Variants in COL16A1 observed in about 807,000 individuals in gnomAD.
COL16A1 encodes collagen type XVI alpha 1 chain, also known as collagen alpha-1(XVI) chain.
A neutral mutation model predicts 266.3 loss-of-function variants in COL16A1; 189 were observed. The observed-to-expected ratio is 0.71, with a 90% CI of 0.63 to 0.80. COL16A1 has a LOEUF of 0.80. Among genes scored for constraint, COL16A1 ranks in the 30% least tolerant of loss-of-function variants. The pLI is 0.00. For missense variants in COL16A1, 1,928 were observed against 2,122.4 expected (o/e 0.91, Z 1.80); for synonymous variants, 740 against 782.3 (o/e 0.95, Z 0.90).
At chr1:31,671,484 T>C in intron 48 of COL16A1, 131 bp downstream of exon 48, 2 of 1,105,146 alleles carry the variant, frequency 1.8e-6, no homozygotes, top group South Asian at 1.4e-5. Flanking sequence ...TGCGGAGGGA[T>C]GGGGAGGGCA....
chr1:31,688,951 G>T lies in COL16A1; in HGVS notation c.1677C>A (p.Cys559Ter). ...KGEKGEPCLS[C>*]SSVVGAQHLV... ...GATGCTGGGCCCCTACAACCGAGCT[G>T]CAGGACAAGCAGGGCTCCCCCTGGG... is the stretch of plus-strand genomic sequence containing the variant. Residue 559 changes from cysteine to a stop codon, truncating the protein, a stop_gained, in exon 25 of 71, where the codon TGC (cysteine) becomes TGA (stop). Transcript: ENST00000373672. LOFTEE classifies it high-confidence loss of function. The surrounding 1 kb of genome is among the most constrained non-coding windows in gnomAD (Gnocchi z 4.9). The T allele has an allele frequency of 1.9e-6, 3 of 1,614,186 alleles. No homozygotes were observed. The highest frequency in any genetic ancestry group is 2.2e-5 in the East Asian group (1 of 44,874).
Position 31,693,355 on chromosome 1 carries a change from C to T in COL16A1, c.1009-201G>A, listed in dbSNP as rs572805850. ...ATTCCACACCTGTTCATCCACATGC[C>T]CTCCCACCCCAAGATGCTATATTTG... On this transcript the variant is annotated intron_variant, in intron 12 of 70. Coordinates refer to ENST00000373672, the MANE Select transcript of COL16A1 (RefSeq NM_001856.4). 1.7e-4 allele frequency: 99 copies of T among 595,716 alleles called. 2 individuals are homozygous for T. The South Asian group carries it at 1.8e-3, about 11-fold the overall frequency. The allele number at this position is 595,716 out of a possible 1,614,324, so 36.9% of individuals were successfully genotyped here. A position where few individuals can be genotyped will look rare whatever the true frequency, so the allele number is the denominator to read the frequency against.
chr1:31,662,138 T>G (rs530389517), intron 58 of COL16A1, among the ~76,000 whole-genome samples, 196 bp downstream of exon 58: 3 of 152,248 alleles, frequency 2.0e-5, no homozygotes, highest in Admixed American at 6.5e-5. Flanking sequence ...TTAAGGCCAC[T>G]AGGAGAACTG....
At chr1:31,683,861 C>T (rs1643829799) in intron 33 of COL16A1, 89 bp downstream of exon 33, 1 of 1,605,634 alleles carries the variant, frequency 6.2e-7, no homozygotes, top group Admixed American at 1.7e-5. Context: ...CCTCCATTTC[C>T]CACTCCAGGC....
chr1:31,676,660 A>T (rs930980822), intron 42 of COL16A1, among the ~76,000 whole-genome samples: 1 of 152,240 alleles, frequency 6.6e-6, no homozygotes, highest in African/African-American at 2.4e-5. Flanking sequence ...AATGGCTGCA[A>T]CGATGTTTAC....
intron 42 of COL16A1, among the ~76,000 whole-genome samples, chr1:31,676,170 TAA>T (rs1643165503): frequency 6.6e-6 from 1 of 151,908 alleles, no homozygotes; most frequent in Non-Finnish European, 1.5e-5. Context: ...TCTAAAAATA[TAA>T]AAGTTAGCAG....
At position 31,675,007 on chromosome 1, in the gene COL16A1, C is replaced by T. The variant is rs533017394; in HGVS notation, c.2859G>A (p.Lys953=). Residue 953 remains lysine, a splice_region_variant and synonymous_variant, in exon 44 of 71, where the codon AAG becomes AAA. Transcript: ENST00000373672. ...ACTTCCCTCCTGGGTACCCTCTTAC[C>T]TTAAGGAGGTGCTGTTCAATTGGTA... ...GSLPIEQHLL[K]SICGDCVQGQ... 5.6e-6 allele frequency: 9 copies of T among 1,612,390 alleles called. No homozygotes were observed. The highest frequency in any genetic ancestry group is 7.6e-6 in the Non-Finnish European group (9 of 1,179,220).
rs943817266 is a variant in COL16A1 at position 31,661,806 on chromosome 1, A to C, written c.3682-102T>G. On this transcript the variant is annotated intron_variant, in intron 58 of 70. Transcript: ENST00000373672. ...CTCTCCAGCCCTCCCCAGCTATCCT[A>C]AGATGGAGGGAAGAATCCAAGCCTG... is the stretch of plus-strand genomic sequence containing the variant. The C allele has an allele frequency of 1.5e-5, 19 of 1,270,896 alleles. 1 individual carries two copies. Among genetic ancestry groups the C allele is most frequent in the Non-Finnish European group, 2.1e-5 (19 of 921,910 alleles). 78.7% of individuals were successfully genotyped at this position (1,270,896 alleles called of 1,614,324 possible).
intron 9 of COL16A1, 103 bp from the exon 10 acceptor site, chr1:31,695,890 A>G (rs1644476718): frequency 1.7e-6 from 2 of 1,143,350 alleles, no homozygotes; most frequent in South Asian, 2.7e-5. Flanking sequence ...GGCACTCTAG[A>G]GAGTGCCAGG....
intron 31 of COL16A1, 25 bp downstream of exon 31, chr1:31,684,498 A>G: frequency 1.3e-6 from 2 of 1,599,470 alleles, no homozygotes; most frequent in Non-Finnish European, 1.7e-6. Context: ...AAACTCCCCG[A>G]CCCCAACCAC....
In COL16A1 at chr1:31,652,750, T is replaced by C; in HGVS notation, c.4716A>G (p.Pro1572=). 2 of 1,604,376 alleles carry C rather than the reference T, an allele frequency of 1.2e-6. No homozygotes were observed. The highest frequency in any genetic ancestry group is 8.5e-7 in the Non-Finnish European group (1 of 1,177,272). ...AGGGATTACAGTGGCCAGCCTTGCCTGGCTGGCCCATGGGACCCGGGGGCC... is the reference window on the plus strand; with the variant it reads ...AGGGATTACAGTGGCCAGCCTTGCCCGGCTGGCCCATGGGACCCGGGGGCC... ...IPGPPGPMGQ[P]GKAGHCNPSD... Residue 1572 remains proline (P), a synonymous_variant, in exon 71 of 71, where the codon CCA becomes CCG. Transcript: ENST00000373672. This position sits in a 1 kb window ranked among gnomAD's most constrained non-coding sequence, Gnocchi z 4.8.
Position 31,672,726 on chromosome 1 carries a change from G to C in COL16A1, c.2974C>G (p.Gln992Glu), listed in dbSNP as rs776570094. The change falls in exon 45 of 71, where the codon CAG becomes GAG. Residue 992 changes from glutamine to glutamate, a missense_variant and splice_region_variant. Coordinates refer to ENST00000373672, the MANE Select transcript of COL16A1 (RefSeq NM_001856.4). ...PGVPGLDNCA[Q>E]CFLSLERPRA... ...CAGCCCCAAGCCCAGTCCCTTACCTGGGCGCAGTTGTCGAGGCCTGGCACA... is the reference window on the plus strand; with the variant it reads ...CAGCCCCAAGCCCAGTCCCTTACCTCGGCGCAGTTGTCGAGGCCTGGCACA... The C allele has an allele frequency of 6.2e-7, 1 of 1,613,806 alleles. No individual in the cohort carries two copies. Among genetic ancestry groups the C allele is most frequent in the East Asian group, 2.2e-5 (1 of 44,886 alleles).
At chr1:31,690,650 GC>G (rs1644222502) in intron 20 of COL16A1, 77 bp from the exon 21 acceptor site, 3 of 1,563,776 alleles carry the variant, frequency 1.9e-6, no homozygotes, top group Non-Finnish European at 8.6e-7. Context: ...CCCCACCCGT[GC>G]CCCTCTGTGA....
intron 2 of COL16A1, 146 bp from the exon 3 acceptor site, chr1:31,700,261 G>T: frequency 1.3e-6 from 1 of 752,378 alleles, no homozygotes; most frequent in Non-Finnish European, 2.2e-6. Context: ...CCTGCCTTCT[G>T]ACCCTGGCTC....
chr1:31,683,569 G>C, intron 34 of COL16A1, 138 bp downstream of exon 34: 1 of 1,575,016 alleles, frequency 6.3e-7, no homozygotes, highest in Non-Finnish European at 8.7e-7. Context: ...CCAGGGCTGC[G>C]GCCTGATCCC....
chr1:31,692,806 G>C lies in COL16A1; in HGVS notation c.1074C>G (p.Gly358=), dbSNP rs749778467. ...CCGGGGAGATTCGAACACAGTCATTGCCCTGGGAGTAGGGAACAAGGGATC... is the reference window on the plus strand; with the variant it reads ...CCGGGGAGATTCGAACACAGTCATTCCCCTGGGAGTAGGGAACAAGGGATC... ...PGSKGEKGAR[G]NDCVRISPDA... is the part of the protein sequence containing the mutation. Residue 358 remains glycine (G), a splice_region_variant and synonymous_variant, in exon 14 of 71, where the codon GGC becomes GGG. Transcript: ENST00000373672. The C allele has an allele frequency of 6.2e-7, 1 of 1,613,592 alleles. No homozygotes were observed. The highest frequency in any genetic ancestry group is 1.3e-5 in the African/African-American group (1 of 74,918).
chr1:31,696,818 G>C, intron 8 of COL16A1, 145 bp downstream of exon 8: 1 of 1,340,574 alleles, frequency 7.5e-7, no homozygotes. Flanking sequence ...TTTAGGGGTG[G>C]CGTACAAATA....
At position 31,656,207 on chromosome 1, in the gene COL16A1, T is replaced by G; in HGVS notation, c.4101+193A>C. 1.2e-6 allele frequency: 1 copy of G among 837,892 alleles called. No homozygotes were observed. The allele number at this position is 837,892 out of a possible 1,614,324, so 51.9% of individuals were successfully genotyped here. ...ATCAGTGAGTAAATGAACTGGAGAT[T>G]TCCTTCCCCCCAACCACAGCTAATG... On this transcript the variant is annotated intron_variant, in intron 66 of 70. Transcript: ENST00000373672. This position sits in a 1 kb window ranked among gnomAD's most constrained non-coding sequence, Gnocchi z 4.2.
intron 17 of COL16A1, 67 bp downstream of exon 17, chr1:31,691,938 G>A (rs1644288960): frequency 1.9e-6 from 3 of 1,608,858 alleles, no homozygotes; most frequent in African/African-American, 1.3e-5. Flanking sequence ...GATTCCCGAA[G>A]GTTAAATCCC....
Sources: allele counts gnomAD v4.1 joint callset (sites outside exome capture counted in the v4.1 genomes callset), GRCh38; gene constraint gnomAD v4.1.1; non-coding constraint Gnocchi (gnomAD v3.1); transcripts MANE v1.5; gene names NCBI Gene and HGNC (gene_info 2026-07-23, HGNC 2026-07-21).